TF: variants seen among roughly 807,000 people sequenced by gnomAD.
TF encodes the protein serotransferrin.
A neutral mutation model predicts 82.4 loss-of-function variants in TF; 55 were observed. The observed-to-expected ratio is 0.67, with a 90% CI of 0.54 to 0.84. The LOEUF (loss-of-function observed/expected upper bound fraction) is 0.84, where lower values mean the gene tolerates loss of function less well. Ranked by LOEUF, TF falls within the 40% of genes least tolerant of loss-of-function variation. The pLI is 0.00. For synonymous variants in TF, 332 were observed against 332.6 expected, an observed-to-expected ratio of 1.00 and a Z score of 0.02; for missense variants, 737 against 868.4, an observed-to-expected ratio of 0.85 and a Z score of 1.90.
the TF span, among the ~76,000 whole-genome samples, chr3:133,668,808 G>GA: frequency 2.0e-4 from 31 of 152,064 alleles, no homozygotes; most frequent in South Asian, 1.0e-3. Flanking sequence ...GACCTATAGG[G>GA]AAAAAAACCC....
chr3:133,664,196 G>A, the TF span, among the ~76,000 whole-genome samples: 1 of 152,220 alleles, frequency 6.6e-6, no homozygotes, highest in Admixed American at 6.5e-5. Context: ...TGCTTGAACA[G>A]CAGTCCTTCA....
Position 133,794,349 on chromosome 3 carries a change from AC to A in TF, c.*15730del, listed in dbSNP as rs1221256494. The A allele has an allele frequency of 1.3e-5, 2 of 152,266 alleles. No homozygotes were observed. The highest frequency in any genetic ancestry group is 3.8e-4 in the East Asian group (2 of 5,206). 9.4% of individuals were successfully genotyped at this position (152,266 alleles called of 1,614,324 possible). On this transcript the variant is annotated 3_prime_UTR_variant, in exon 17 of 17. Transcript: ENST00000402696. ...TGGGAAAACAATCAAAGCTTCAGGTACATCCAGTCACCTGATAGGCCATTTA... is the reference window on the plus strand; with the variant it reads ...TGGGAAAACAATCAAAGCTTCAGGTAATCCAGTCACCTGATAGGCCATTTA...
chr3:133,767,224 C>T (rs1210564212), intron 12 of TF, among the ~76,000 whole-genome samples: 2 of 152,154 alleles, frequency 1.3e-5, no homozygotes, highest in African/African-American at 4.8e-5. Context: ...CTGAATACCA[C>T]CAGGTATGAG....
chr3:133,746,337 G>C (rs1933496121), upstream of TF: 1 of 1,385,062 alleles, frequency 7.2e-7, no homozygotes, highest in Non-Finnish European at 9.9e-7. Context: ...CAAAGATTGC[G>C]CCCAGCCCGC....
chr3:133,734,988 T>C, the TF span, among the ~76,000 whole-genome samples: 3 of 152,216 alleles, frequency 2.0e-5, no homozygotes, highest in Non-Finnish European at 4.4e-5. Context: ...GTGGATCTTC[T>C]TTGGGATCCA....
At chr3:133,711,309 A>C in the TF span, among the ~76,000 whole-genome samples, 1 of 152,214 alleles carries the variant, frequency 6.6e-6, no homozygotes, top group African/African-American at 2.4e-5. Context: ...AATTGTCAAC[A>C]CAGATCTCTC....
chr3:133,671,795 G>GAAAAA, the TF span, among the ~76,000 whole-genome samples: 9 of 54,486 alleles, frequency 1.7e-4, no homozygotes, highest in African/African-American at 4.9e-4. Context: ...TCTGTCAAAA[G>GAAAAA]AAAAAAAAAA....
chr3:133,679,624 T>C, the TF span, among the ~76,000 whole-genome samples: 3 of 138,546 alleles, frequency 2.2e-5, no homozygotes, highest in South Asian at 4.9e-4. Flanking sequence ...GATTCATCCA[T>C]GTTCTTGTGT....
rs767897048 is a variant in TF, at chr3:133,756,999, A to G, written c.860A>G (p.Asn287Ser). The change falls in exon 7 of 17, where the codon AAC (asparagine) becomes AGC (serine). Residue 287 changes from asparagine (N) to serine (S), a missense_variant. Physicochemically the swap from Asn to Ser is conservative, Grantham distance 46. Coordinates refer to ENST00000402696, the MANE Select transcript of TF (RefSeq NM_001063.4). ...GAGGACTTGATCTGGGAGCTTCTCA[A>G]CCAGGCCCAGGTATCCCCACCTGCC... ...GKEDLIWELL[N>S]QAQEHFGKDK... 1.6e-5 allele frequency: 26 copies of G among 1,614,124 alleles called. No homozygotes were observed. The highest frequency in any genetic ancestry group is 1.1e-4 in the South Asian group (10 of 91,078).
intron 2 of TF, among the ~76,000 whole-genome samples, chr3:133,749,400 T>G (rs1448256308): frequency 6.6e-5 from 10 of 152,190 alleles, no homozygotes; most frequent in Admixed American, 6.5e-4. Flanking sequence ...GGGGCTGCAG[T>G]GGTGAATTAA....
At chr3:133,736,631 C>CAAAAAAGAAAAAAAAAA in the TF span, among the ~76,000 whole-genome samples, 177 of 32,556 alleles carry the variant, frequency 5.4e-3, 9 homozygotes, top group African/African-American at 8.7e-3. Flanking sequence ...AATGGAAAGC[C>CAAAAAAGAAAAAAAAAA]AAAAAAAAAA....
rs1934793842 is a variant in TF at position 133,790,043 on chromosome 3, C to G, written c.*11423C>G. 6.6e-6 allele frequency: 1 copy of G among 152,168 alleles called. No individual in the cohort carries two copies. The highest frequency in any genetic ancestry group is 1.5e-5 in the Non-Finnish European group (1 of 68,010). The allele number at this position is 152,168 out of a possible 1,614,324, so 9.4% of individuals were successfully genotyped here. On this transcript the variant is annotated 3_prime_UTR_variant, in exon 17 of 17. Coordinates refer to ENST00000402696, the MANE Select transcript of TF (RefSeq NM_001063.4). Reference sequence around the variant, plus strand: ...CAAAATGTGGTTAACAGGGAAATAACTGACTTTAAAAGATAGTGTCTAACA... The same window carrying G: ...CAAAATGTGGTTAACAGGGAAATAAGTGACTTTAAAAGATAGTGTCTAACA...
chr3:133,667,413 T>C, the TF span, among the ~76,000 whole-genome samples: 1 of 150,814 alleles, frequency 6.6e-6, no homozygotes, highest in Non-Finnish European at 1.5e-5. Context: ...AAAAGCTGAC[T>C]TCATCTGTGT....
At chr3:133,732,527 C>A in the TF span, among the ~76,000 whole-genome samples, 1 of 152,200 alleles carries the variant, frequency 6.6e-6, no homozygotes, top group African/African-American at 2.4e-5. Flanking sequence ...ACTCCGGTTC[C>A]TTTTCACAGT....
At chr3:133,676,737 G>A in the TF span, among the ~76,000 whole-genome samples, 17 of 152,382 alleles carry the variant, frequency 1.1e-4, no homozygotes, top group East Asian at 3.1e-3. Context: ...AGGAAACCCA[G>A]AGTGCAGCCC....
At chr3:133,778,016 A>T (rs1230148188) in intron 16 of TF, 2 of 161,042 alleles carry the variant, frequency 1.2e-5, no homozygotes, top group African/African-American at 2.4e-5. Flanking sequence ...TGAGATACTG[A>T]TTTAGAAAGT....
chr3:133,748,785 C>CTTT (rs1933579599), intron 2 of TF: 2 of 666,614 alleles, frequency 3.0e-6, no homozygotes, highest in Admixed American at 5.2e-5. Flanking sequence ...AGCACATTAA[C>CTTT]TTTTGCTTTC....
chr3:133,672,179 C>G, the TF span, among the ~76,000 whole-genome samples: 2 of 152,082 alleles, frequency 1.3e-5, no homozygotes, highest in Non-Finnish European at 2.9e-5. Context: ...ATCATAAAAT[C>G]TGGATATTTC....
chr3:133,764,153 A>T, intron 9 of TF, 29 bp from the exon 10 acceptor site: 3 of 1,604,284 alleles, frequency 1.9e-6, no homozygotes, highest in Non-Finnish European at 2.6e-6. Flanking sequence ...GCCTCTTTTC[A>T]TCTGCTGTGA....
Sources: allele counts gnomAD v4.1 joint callset (sites outside exome capture counted in the v4.1 genomes callset), GRCh38; gene constraint gnomAD v4.1.1; transcripts MANE v1.5; gene names NCBI Gene and HGNC (gene_info 2026-07-23, HGNC 2026-07-21).